Variants in IQANK1 observed in about 807,000 individuals in gnomAD.
The protein encoded by IQANK1 is IQ motif and ankyrin repeat domain-containing protein 1.
In IQANK1, 30 loss-of-function variants were observed where a neutral mutation model predicts 22.6. The ratio of observed to expected loss-of-function variants is 1.33; its 90% CI spans 0.99 to 1.80. IQANK1 has a LOEUF of 1.80. Among genes scored for constraint, IQANK1 ranks in the 40% most tolerant of loss-of-function variants. The probability of loss-of-function intolerance (pLI) is 0.00; values close to 1 mark genes in which losing one functional copy is unlikely to be tolerated. For missense variants in IQANK1, 275 were observed against 235.2 expected (o/e 1.17, Z -1.11); for synonymous variants, 122 against 99.6 (o/e 1.23, Z -1.34).
intron 3 of IQANK1, among the ~76,000 whole-genome samples, chr8:143,766,031 C>G (rs1554629207): frequency 6.6e-6 from 1 of 152,188 alleles, no homozygotes; most frequent in East Asian, 1.9e-4. Context: ...TCTGATTTCC[C>G]TCCCCACAGC....
Position 143,746,245 on chromosome 8 carries a change from G to T in IQANK1, c.175+6297G>T, listed in dbSNP as rs1587474881. 3.3e-5 allele frequency: 5 copies of T among 152,354 alleles called. 1 individual carries two copies. Among genetic ancestry groups the T allele is most frequent in the Admixed American group, 3.3e-4 (5 of 15,300 alleles). 9.4% of individuals were successfully genotyped at this position (152,354 alleles called of 1,614,324 possible). ...CATTTGCCTTGTTCCTAACCTTAGAGAAAAATCCTTCAGCCTTTTACCATT... is the reference window on the plus strand; with the variant it reads ...CATTTGCCTTGTTCCTAACCTTAGATAAAAATCCTTCAGCCTTTTACCATT... On this transcript the variant is annotated intron_variant, in intron 3 of 13. Transcript: ENST00000527139.
At chr8:143,739,304 G>C (rs1020686271) in intron 2 of IQANK1, 1 of 152,274 alleles carries the variant, frequency 6.6e-6, no homozygotes, top group Non-Finnish European at 1.5e-5. Context: ...TCACGCCCAC[G>C]CCCAGGGCCC....
chr8:143,767,067 C>T (rs572088114), intron 3 of IQANK1, among the ~76,000 whole-genome samples: 7 of 152,368 alleles, frequency 4.6e-5, no homozygotes, highest in African/African-American at 1.7e-4. Context: ...ACATGAGGTC[C>T]TAATATCAAG....
chr8:143,746,701 A>G (rs1264791246), intron 3 of IQANK1, among the ~76,000 whole-genome samples: 1 of 151,978 alleles, frequency 6.6e-6, no homozygotes, highest in African/African-American at 2.4e-5. Context: ...GAGATGTTTG[A>G]TTACTGATTT....
intron 3 of IQANK1, among the ~76,000 whole-genome samples, chr8:143,770,971 C>A (rs2129904909): frequency 6.6e-6 from 1 of 152,350 alleles, no homozygotes; most frequent in South Asian, 2.1e-4. Context: ...CGCTCCGTTG[C>A]AGCCGCGGTG....
chr8:143,756,608 G>T (rs1434151372), intron 3 of IQANK1, among the ~76,000 whole-genome samples: 3 of 151,970 alleles, frequency 2.0e-5, no homozygotes, highest in Non-Finnish European at 2.9e-5. Context: ...ATCCCAAATG[G>T]TGTAGTTATT....
chr8:143,751,662 G>GTATATATATATATATATATATATATATA (rs1187068578), intron 3 of IQANK1, among the ~76,000 whole-genome samples: 53 of 54,274 alleles, frequency 9.8e-4, no homozygotes, highest in East Asian at 2.9e-3. Context: ...GTGTGTGTGT[G>GTATATATATATATATATATATATATATA]TGTATATATA....
intron 7 of IQANK1, among the ~76,000 whole-genome samples, chr8:143,785,875 C>T (rs1227648914): frequency 6.6e-6 from 1 of 151,920 alleles, no homozygotes; most frequent in Non-Finnish European, 1.5e-5. Context: ...TACAGGCACG[C>T]ACCACCACAC....
rs1001536438 is a variant in IQANK1, at chr8:143,755,696, G to A, written c.175+15748G>A. On this transcript the variant is annotated intron_variant, in intron 3 of 13. Transcript: ENST00000527139. ...ATATTTTATAAACTCATGGTGGCAC[G>A]GGCAACATCATTGCAGTCAAGAACA... Among the ~76,000 whole-genome samples, 21 of 152,254 alleles carry A rather than the reference G, an allele frequency of 1.4e-4. No individual in the cohort carries two copies. The South Asian group carries it at 1.5e-3, about 11-fold the overall frequency.
intron 3 of IQANK1, among the ~76,000 whole-genome samples, chr8:143,750,680 G>A (rs1819171383): frequency 6.6e-6 from 1 of 152,092 alleles, no homozygotes; most frequent in Admixed American, 6.6e-5. Context: ...CAGGCATGGT[G>A]GCATGTGCCT....
At chr8:143,741,298 T>C (rs1818907306) in intron 3 of IQANK1, among the ~76,000 whole-genome samples, 1 of 152,086 alleles carries the variant, frequency 6.6e-6, no homozygotes, top group Admixed American at 6.5e-5. Flanking sequence ...ACCAGGGAGC[T>C]CCATCTTGTC....
At chr8:143,757,802 G>A (rs1318509148) in intron 3 of IQANK1, among the ~76,000 whole-genome samples, 2 of 152,116 alleles carry the variant, frequency 1.3e-5, no homozygotes, top group Non-Finnish European at 2.9e-5. Context: ...AGGCCACTGT[G>A]CCTGGTGTAT....
Position 143,772,377 on chromosome 8 carries a change from G to A in IQANK1, c.684G>A (p.Pro228=), listed in dbSNP as rs1173557527. Residue 228 remains proline (P), a synonymous_variant, in exon 7 of 14, where the codon CCG becomes CCA. Coordinates refer to ENST00000527139, the MANE Select transcript of IQANK1 (RefSeq NM_001381874.1). The part of the protein sequence containing the change: ...PNSKGAFGPT[P]LYRAAFGGHL... ...TGCAGGGCGCTTTCGGTCCGACGCC[G>A]CTGTACCGTGCAGCCTTTGGGGGCC... 1.8e-5 allele frequency: 7 copies of A among 399,272 alleles called. No homozygotes were observed. In the East Asian group the frequency reaches 1.8e-4, roughly 10 times the overall value. The allele number at this position is 399,272 out of a possible 1,614,324, so 24.7% of individuals were successfully genotyped here. A position where few individuals can be genotyped will look rare whatever the true frequency, so the allele number is the denominator to read the frequency against.
intron 2 of IQANK1, among the ~76,000 whole-genome samples, chr8:143,738,653 C>G (rs1818808911): frequency 6.6e-6 from 1 of 152,232 alleles, no homozygotes; most frequent in South Asian, 2.1e-4. Flanking sequence ...CTGTGCGCAG[C>G]AACGGGCGTG....
At chr8:143,744,880 C>G (rs1270328711) in intron 3 of IQANK1, 1 of 152,246 alleles carries the variant, frequency 6.6e-6, no homozygotes, top group Non-Finnish European at 1.5e-5. Context: ...ACTGGACCCA[C>G]TAGAGATGGA....
chr8:143,742,719 G>C (rs1255013980), intron 3 of IQANK1: 3 of 455,870 alleles, frequency 6.6e-6, no homozygotes, highest in African/African-American at 6.0e-5. Context: ...GCCTGCCAGA[G>C]GATACACAAC....
intron 3 of IQANK1, among the ~76,000 whole-genome samples, chr8:143,761,584 A>G (rs1339544662): frequency 6.6e-6 from 1 of 152,160 alleles, no homozygotes; most frequent in Non-Finnish European, 1.5e-5. Flanking sequence ...AACCTGGGCA[A>G]CATAGTAAGA....
chr8:143,784,697 A>C (rs540219603), intron 7 of IQANK1, among the ~76,000 whole-genome samples: 94 of 152,308 alleles, frequency 6.2e-4, no homozygotes, highest in African/African-American at 2.2e-3. Context: ...ACCATCTTGA[A>C]TATTGCTGGT....
intron 7 of IQANK1, among the ~76,000 whole-genome samples, chr8:143,773,150 T>C (rs1225439215): frequency 6.6e-6 from 1 of 151,944 alleles, no homozygotes; most frequent in Non-Finnish European, 1.5e-5. Context: ...CTACTGAAGA[T>C]ACAAAAATTA....
Sources: gnomAD v4.1 joint callset for allele counts (sites outside exome capture counted in the v4.1 genomes callset) on GRCh38, gnomAD v4.1.1 for gene constraint, MANE v1.5 for transcripts, NCBI Gene and HGNC (gene_info 2026-07-23, HGNC 2026-07-21) for gene names.